Variants in CYP39A1 observed in about 807,000 individuals in gnomAD.
The protein encoded by CYP39A1 is cytochrome P450 family 39 subfamily A member 1, also known as 24-hydroxycholesterol 7-alpha-hydroxylase.
CYP39A1 carries 49 observed loss-of-function variants against 58.1 expected under a neutral mutation model. The observed-to-expected ratio is 0.84, with a 90% CI of 0.67 to 1.07. The LOEUF (loss-of-function observed/expected upper bound fraction) is 1.07, where lower values mean the gene tolerates loss of function less well. Ranked by LOEUF, CYP39A1 falls within the 50% of genes least tolerant of loss-of-function variation. The pLI is 0.00. For missense variants in CYP39A1, 531 were observed against 539.4 expected (o/e 0.98, Z 0.16); for synonymous variants, 209 against 187.6 (o/e 1.11, Z -0.93).
At chr6:46,649,807 AC>A (rs975017024) in intron 1 of CYP39A1, among the ~76,000 whole-genome samples, 2 of 152,204 alleles carry the variant, frequency 1.3e-5, no homozygotes, top group African/African-American at 4.8e-5. Flanking sequence ...AATTTTTTGA[AC>A]CGTATAAATG....
intron 7 of CYP39A1, among the ~76,000 whole-genome samples, chr6:46,608,728 C>T (rs1774004367): frequency 6.6e-6 from 1 of 151,994 alleles, no homozygotes; most frequent in Non-Finnish European, 1.5e-5. Context: ...AATTCTACTG[C>T]CTCAGCCTCC....
At chr6:46,567,518 T>TTTTTTAAATGC (rs1391151534) in intron 10 of CYP39A1, among the ~76,000 whole-genome samples, 1 of 152,140 alleles carries the variant, frequency 6.6e-6, no homozygotes, top group Non-Finnish European at 1.5e-5. Context: ...TATGGCAATT[T>TTTTTTAAATGC]TTTTTAAATG....
chr6:46,609,809 A>G (rs1774105008), intron 7 of CYP39A1, among the ~76,000 whole-genome samples: 1 of 152,268 alleles, frequency 6.6e-6, no homozygotes, highest in South Asian at 2.1e-4. Context: ...TTTAACAAAG[A>G]AAAATGATTT....
intron 4 of CYP39A1, among the ~76,000 whole-genome samples, chr6:46,636,876 G>T (rs980606813): frequency 6.6e-6 from 1 of 152,116 alleles, no homozygotes; most frequent in Non-Finnish European, 1.5e-5. Flanking sequence ...AATCTTGTCT[G>T]AACAGTCACC....
chr6:46,647,998 A>G (rs969436467), intron 1 of CYP39A1, among the ~76,000 whole-genome samples: 1 of 152,200 alleles, frequency 6.6e-6, no homozygotes, highest in Non-Finnish European at 1.5e-5. Context: ...CGATCATTAT[A>G]AAGTCAGGAA....
intron 2 of CYP39A1, among the ~76,000 whole-genome samples, chr6:46,640,719 G>A (rs1171410894): frequency 6.6e-6 from 1 of 151,998 alleles, no homozygotes; most frequent in Non-Finnish European, 1.5e-5. Flanking sequence ...CCATCACTCA[G>A]GTAATGAGCA....
chr6:46,628,068 C>A lies in CYP39A1; in HGVS notation c.841-2560G>T, dbSNP rs117739423. On this transcript the variant is annotated intron_variant, in intron 6 of 11. Transcript: ENST00000275016. ...AGGTAAGAACAAATGAGAGAAAGGG[C>A]AAGGAGGAAAACTCTGTATCTTTGC... 1.5e-4 allele frequency among the ~76,000 whole-genome samples: 23 copies of A among 152,200 alleles called. No homozygotes were observed. The East Asian group carries it at 4.1e-3, about 27-fold the overall frequency.
intron 10 of CYP39A1, among the ~76,000 whole-genome samples, chr6:46,555,411 G>T (rs900933270): frequency 1.3e-5 from 2 of 152,162 alleles, no homozygotes; most frequent in African/African-American, 4.8e-5. Flanking sequence ...AGGAGGATTT[G>T]TATTATGAGG....
At chr6:46,651,654 C>CTA (rs1762700297) in intron 1 of CYP39A1, among the ~76,000 whole-genome samples, 1 of 152,120 alleles carries the variant, frequency 6.6e-6, no homozygotes, top group South Asian at 2.1e-4. Flanking sequence ...AATAATGCTA[C>CTA]TACGTATAAA....
chr6:46,626,376 A>T (rs941089678), intron 6 of CYP39A1, among the ~76,000 whole-genome samples: 1 of 152,178 alleles, frequency 6.6e-6, no homozygotes, highest in Non-Finnish European at 1.5e-5. Context: ...AAGAGATTTC[A>T]TCTAGGAGAA....
chr6:46,553,073 C>CAAAAA (rs34991519), intron 11 of CYP39A1, among the ~76,000 whole-genome samples: 2 of 81,372 alleles, frequency 2.5e-5, no homozygotes, highest in African/African-American at 4.6e-5. Context: ...ACCCCCCAAC[C>CAAAAA]AAAAAAAAAA....
chr6:46,625,573 T>G (rs1775265819), intron 6 of CYP39A1, 65 bp from the exon 7 acceptor site: 1 of 1,175,206 alleles, frequency 8.5e-7, no homozygotes, highest in Admixed American at 1.9e-5. Flanking sequence ...GCATATTTAG[T>G]ATTAGCCATA....
chr6:46,624,524 C>T (rs1775181335), intron 7 of CYP39A1, among the ~76,000 whole-genome samples: 1 of 151,852 alleles, frequency 6.6e-6, no homozygotes, highest in Admixed American at 6.6e-5. Flanking sequence ...GGTTGCCAAG[C>T]CAGTTTACTT....
chr6:46,644,021 A>G (rs1005801598), intron 1 of CYP39A1, among the ~76,000 whole-genome samples: 5 of 152,232 alleles, frequency 3.3e-5, no homozygotes, highest in Non-Finnish European at 5.9e-5. Context: ...GCAAAACTAT[A>G]GTACAGTATC....
intron 7 of CYP39A1, among the ~76,000 whole-genome samples, chr6:46,602,075 C>G (rs149335874): frequency 4.6e-5 from 7 of 152,012 alleles, no homozygotes; most frequent in Non-Finnish European, 1.0e-4. Context: ...ATCTGTTCTT[C>G]GATGTATATC....
chr6:46,641,906 A>G (rs1440145379), intron 2 of CYP39A1, among the ~76,000 whole-genome samples: 1 of 152,224 alleles, frequency 6.6e-6, no homozygotes, highest in Admixed American at 6.5e-5. Context: ...AATATTCTCT[A>G]AAGAAAACAT....
intron 2 of CYP39A1, 100 bp from the exon 3 acceptor site, chr6:46,639,768 A>C: frequency 4.2e-6 from 4 of 944,606 alleles, no homozygotes; most frequent in Non-Finnish European, 6.3e-6. Flanking sequence ...ACTACAGCCA[A>C]AGTCCTCTCA....
intron 10 of CYP39A1, among the ~76,000 whole-genome samples, chr6:46,560,061 A>C (rs1050419754): frequency 2.0e-5 from 3 of 152,196 alleles, no homozygotes; most frequent in Non-Finnish European, 4.4e-5. Flanking sequence ...TTAGAGAAGG[A>C]AGGTCTCTCT....
At position 46,652,493 on chromosome 6, in the gene CYP39A1, C is replaced by T. The variant is rs1374831602; in HGVS notation, c.90G>A (p.Pro30=). The change falls in exon 1 of 12, where the codon CCG becomes CCA. Residue 30 remains proline (P), a synonymous_variant. Coordinates refer to ENST00000275016, the MANE Select transcript of CYP39A1 (RefSeq NM_016593.5). ...TCCAAGGAATCCAGCCCTTGATGCA[C>T]GGGGGTCTACGCAAATTCTTCCGCT... The part of the protein sequence containing the change: ...LLQRKNLRRP[P]CIKGWIPWIG... 9 of 1,613,804 alleles carry T rather than the reference C, an allele frequency of 5.6e-6. No homozygotes were observed. In the African/African-American group the frequency reaches 6.7e-5, roughly 12 times the overall value.
Sources: gnomAD v4.1 joint callset for allele counts (sites outside exome capture counted in the v4.1 genomes callset) on GRCh38, gnomAD v4.1.1 for gene constraint, MANE v1.5 for transcripts, NCBI Gene and HGNC (gene_info 2026-07-23, HGNC 2026-07-21) for gene names.